GPR39: variants seen among roughly 807,000 people sequenced by gnomAD.
GPR39 encodes the protein G protein-coupled receptor 39, also known as zinc sensing receptor.
GPR39 carries 23 observed loss-of-function variants against 18.4 expected under a neutral mutation model. That is an observed-to-expected ratio of 1.25 (90% CI 0.90 to 1.77). The LOEUF (loss-of-function observed/expected upper bound fraction) is 1.77. Ranked by LOEUF, GPR39 falls within the 40% of genes most tolerant of loss-of-function variation. GPR39 has a pLI of 0.00. For missense variants in GPR39, 647 were observed against 602.4 expected (o/e 1.07, Z -0.78); for synonymous variants, 280 against 257.9 (o/e 1.09, Z -0.82).
intron 1 of GPR39, among the ~76,000 whole-genome samples, chr2:132,562,608 CA>C (rs11332076): frequency 0.63 from 95,780 of 151,948 alleles, 31,828 homozygotes; most frequent in East Asian, 0.92. Context: ...GAGACACTCT[CA>C]AGACTAGGTT....
chr2:132,421,587 G>A (rs1680009784), intron 1 of GPR39, among the ~76,000 whole-genome samples: 1 of 152,126 alleles, frequency 6.6e-6, no homozygotes, highest in Non-Finnish European at 1.5e-5. Flanking sequence ...TAGTGGCAGG[G>A]ATTACACATC....
At chr2:132,492,817 C>T (rs1681518030) in intron 1 of GPR39, among the ~76,000 whole-genome samples, 2 of 136,166 alleles carry the variant, frequency 1.5e-5, no homozygotes, top group South Asian at 2.4e-4. Context: ...ATATACATAC[C>T]ATATATATAC....
intron 1 of GPR39, among the ~76,000 whole-genome samples, chr2:132,570,971 G>A (rs921997551): frequency 1.3e-5 from 2 of 152,298 alleles, no homozygotes; most frequent in Middle Eastern, 3.4e-3. Flanking sequence ...ATTTACGGCA[G>A]GCATCCTGGG....
chr2:132,568,003 T>C (rs1329848370), intron 1 of GPR39, among the ~76,000 whole-genome samples: 1 of 152,128 alleles, frequency 6.6e-6, no homozygotes, highest in Non-Finnish European at 1.5e-5. Context: ...CTTCCTTTTG[T>C]AAATTGCCCA....
At chr2:132,443,300 T>C (rs1680473455) in intron 1 of GPR39, among the ~76,000 whole-genome samples, 2 of 152,194 alleles carry the variant, frequency 1.3e-5, no homozygotes, top group Admixed American at 1.3e-4. Context: ...ACTCATCCAA[T>C]ATTACTAAAG....
intron 1 of GPR39, among the ~76,000 whole-genome samples, chr2:132,560,707 C>G (rs1028760063): frequency 8.5e-5 from 13 of 152,158 alleles, no homozygotes; most frequent in African/African-American, 2.9e-4. Flanking sequence ...GGTTCCTCTT[C>G]CTCCATCCAG....
At chr2:132,451,014 G>A (rs1414829627) in intron 1 of GPR39, among the ~76,000 whole-genome samples, 1 of 152,196 alleles carries the variant, frequency 6.6e-6, no homozygotes, top group Non-Finnish European at 1.5e-5. Context: ...CAGAGGAAAA[G>A]GGCTGGTGGG....
intron 1 of GPR39, among the ~76,000 whole-genome samples, chr2:132,441,735 G>C (rs1050856175): frequency 2.0e-5 from 3 of 152,222 alleles, no homozygotes; most frequent in Non-Finnish European, 2.9e-5. Context: ...GTTTAGATGT[G>C]ACTAGAACTG....
intron 1 of GPR39, among the ~76,000 whole-genome samples, chr2:132,438,573 C>CTTTT (rs35614907): frequency 1.0e-5 from 1 of 97,766 alleles, no homozygotes; most frequent in Non-Finnish European, 2.0e-5. Context: ...TGTCAGCAAG[C>CTTTT]TTTTTTTTTT....
chr2:132,534,756 A>G (rs1679717210), intron 1 of GPR39, among the ~76,000 whole-genome samples: 1 of 151,680 alleles, frequency 6.6e-6, no homozygotes, highest in African/African-American at 2.4e-5. Flanking sequence ...ACTAAACACC[A>G]CATTTTCTCA....
chr2:132,530,464 A>G (rs992392636), intron 1 of GPR39, among the ~76,000 whole-genome samples: 6 of 152,246 alleles, frequency 3.9e-5, no homozygotes, highest in Non-Finnish European at 7.3e-5. Flanking sequence ...TCCCCAATCT[A>G]GCAAGGCAGG....
chr2:132,442,897 A>T (rs1223662110), intron 1 of GPR39, among the ~76,000 whole-genome samples: 1 of 152,184 alleles, frequency 6.6e-6, no homozygotes, highest in Non-Finnish European at 1.5e-5. Context: ...GGCAATATTG[A>T]TTCTTTGCAT....
intron 1 of GPR39, among the ~76,000 whole-genome samples, chr2:132,455,441 G>T (rs942057835): frequency 7.2e-5 from 11 of 152,006 alleles, no homozygotes; most frequent in African/African-American, 2.7e-4. Flanking sequence ...AGCTCCTGGA[G>T]TCATTGAATT....
intron 1 of GPR39, among the ~76,000 whole-genome samples, chr2:132,493,643 G>T (rs998932681): frequency 6.6e-6 from 1 of 151,560 alleles, no homozygotes; most frequent in African/African-American, 2.4e-5. Flanking sequence ...TAGGTAGATG[G>T]TGACCACATG....
chr2:132,498,565 C>T (rs1463854845), intron 1 of GPR39, among the ~76,000 whole-genome samples: 2 of 152,082 alleles, frequency 1.3e-5, no homozygotes, highest in African/African-American at 2.4e-5. Context: ...CATATAATGA[C>T]TTCTTTTCCT....
chr2:132,546,350 A>AG (rs1367230260), intron 1 of GPR39, among the ~76,000 whole-genome samples: 1 of 152,184 alleles, frequency 6.6e-6, no homozygotes, highest in Non-Finnish European at 1.5e-5. Context: ...GCACAGCAAG[A>AG]GGGGAGCCTG....
At chr2:132,545,066 A>G (rs1679921321) in intron 1 of GPR39, among the ~76,000 whole-genome samples, 1 of 152,210 alleles carries the variant, frequency 6.6e-6, no homozygotes, top group African/African-American at 2.4e-5. Flanking sequence ...CGAGACTTGT[A>G]GCTTGGCTTT....
At chr2:132,610,777 C>CAAAA (rs34611787) in intron 1 of GPR39, among the ~76,000 whole-genome samples, 57 of 88,616 alleles carry the variant, frequency 6.4e-4, no homozygotes, top group African/African-American at 1.5e-3. Flanking sequence ...ACTCTGTCTC[C>CAAAA]AAAAAAAAAA....
chr2:132,633,744 G>T (rs1174883811), intron 1 of GPR39, among the ~76,000 whole-genome samples: 1 of 152,046 alleles, frequency 6.6e-6, no homozygotes, highest in African/African-American at 2.4e-5. Flanking sequence ...GGAGATAGAG[G>T]TGAATGCTTG....
Sources: allele counts gnomAD v4.1 joint callset (sites outside exome capture counted in the v4.1 genomes callset), GRCh38; gene constraint gnomAD v4.1.1; transcripts MANE v1.5; gene names NCBI Gene and HGNC (gene_info 2026-07-23, HGNC 2026-07-21).